Variants in XKR6 observed in about 807,000 individuals in gnomAD.
XKR6 encodes XK-related protein 6.
A neutral mutation model predicts 56.7 loss-of-function variants in XKR6; 22 were observed. That is an observed-to-expected ratio of 0.39 (90% confidence interval 0.28 to 0.55). The LOEUF (loss-of-function observed/expected upper bound fraction) is 0.55, where lower values mean the gene tolerates loss of function less well. Ranked by LOEUF, XKR6 falls within the 20% of genes least tolerant of loss-of-function variation. The pLI is 0.66. For synonymous variants in XKR6, 524 were observed against 387.8 expected, an observed-to-expected ratio of 1.35 and a Z score of -4.13; for missense variants, 852 against 889.0, an observed-to-expected ratio of 0.96 and a Z score of 0.53.
intron 2 of XKR6, among the ~76,000 whole-genome samples, chr8:10,902,422 G>A (rs1800060867): frequency 6.6e-6 from 1 of 152,184 alleles, no homozygotes; most frequent in Non-Finnish European, 1.5e-5. Context: ...GCTTGCTCAA[G>A]ACTGTCCTGA....
At chr8:11,138,947 A>G (rs902061256) in intron 1 of XKR6, among the ~76,000 whole-genome samples, 2 of 152,116 alleles carry the variant, frequency 1.3e-5, no homozygotes, top group Non-Finnish European at 2.9e-5. Flanking sequence ...CCTGACCTCA[A>G]GATGAAATTT....
At chr8:10,961,968 C>T (rs534199188) in intron 1 of XKR6, among the ~76,000 whole-genome samples, 1 of 152,298 alleles carries the variant, frequency 6.6e-6, no homozygotes, top group East Asian at 1.9e-4. Flanking sequence ...TATTATACAC[C>T]ACCTTTCTGA....
chr8:10,932,482 A>G (rs1290001518), intron 1 of XKR6, among the ~76,000 whole-genome samples: 90 of 146,728 alleles, frequency 6.1e-4, no homozygotes, highest in African/African-American at 1.8e-3. Flanking sequence ...CGTGCAGGTT[A>G]GTTACATATG....
intron 1 of XKR6, among the ~76,000 whole-genome samples, chr8:11,152,082 G>C (rs932501990): frequency 9.2e-5 from 14 of 152,032 alleles, no homozygotes; most frequent in African/African-American, 3.4e-4. Context: ...TTACATTAAG[G>C]TACACAGGAT....
intron 1 of XKR6, among the ~76,000 whole-genome samples, chr8:11,139,346 G>A (rs528607875): frequency 6.6e-6 from 1 of 152,108 alleles, no homozygotes; most frequent in African/African-American, 2.4e-5. Context: ...ACGCAGGTAG[G>A]GAGGCAGTGA....
intron 2 of XKR6, among the ~76,000 whole-genome samples, chr8:10,900,207 G>C (rs1369430439): frequency 3.3e-5 from 5 of 152,156 alleles, no homozygotes; most frequent in Admixed American, 3.3e-4. Flanking sequence ...TTGAAATCAA[G>C]GTTACCCAGT....
intron 1 of XKR6, among the ~76,000 whole-genome samples, chr8:11,083,885 G>A (rs907434849): frequency 6.6e-6 from 1 of 151,742 alleles, no homozygotes; most frequent in Non-Finnish European, 1.5e-5. Flanking sequence ...ATGCAGAAAT[G>A]AATAAAGTTC....
intron 2 of XKR6, among the ~76,000 whole-genome samples, chr8:10,911,206 G>A (rs893805390): frequency 2.1e-4 from 29 of 139,980 alleles, no homozygotes; most frequent in African/African-American, 7.5e-4. Flanking sequence ...GTGCGTGTGT[G>A]TGTGTGTGTG....
intron 1 of XKR6, among the ~76,000 whole-genome samples, chr8:11,025,764 T>C (rs1489776396): frequency 6.6e-6 from 1 of 152,118 alleles, no homozygotes; most frequent in Non-Finnish European, 1.5e-5. Context: ...GATGAGTAAT[T>C]AGTGAAGCTC....
chr8:11,156,424 G>C (rs1801522153), intron 1 of XKR6, among the ~76,000 whole-genome samples: 1 of 152,174 alleles, frequency 6.6e-6, no homozygotes, highest in Non-Finnish European at 1.5e-5. Flanking sequence ...TGCCTCTTCA[G>C]CTGGGCTGAA....
chr8:11,081,703 G>C (rs376038106), intron 1 of XKR6, among the ~76,000 whole-genome samples: 4 of 152,254 alleles, frequency 2.6e-5, no homozygotes, highest in South Asian at 2.1e-4. Context: ...ACAACCAAAG[G>C]AGATGTAAAC....
At chr8:11,186,144 A>AT (rs370438351) in intron 1 of XKR6, among the ~76,000 whole-genome samples, 3 of 151,360 alleles carry the variant, frequency 2.0e-5, no homozygotes, top group Admixed American at 6.6e-5. Flanking sequence ...AATCAATAGC[A>AT]TTTTTTTTTA....
At chr8:11,165,770 C>G (rs1802040949) in intron 1 of XKR6, among the ~76,000 whole-genome samples, 1 of 152,026 alleles carries the variant, frequency 6.6e-6, no homozygotes, top group South Asian at 2.1e-4. Context: ...CATCAAAGAG[C>G]CTGAAATTCT....
chr8:10,957,709 G>A (rs1330891892), intron 1 of XKR6, among the ~76,000 whole-genome samples: 1 of 152,154 alleles, frequency 6.6e-6, no homozygotes, highest in Non-Finnish European at 1.5e-5. Flanking sequence ...ATCCAGGAGT[G>A]AGGAATGGGG....
intron 1 of XKR6, chr8:11,138,733 G>A (rs1800527675): frequency 6.6e-6 from 1 of 152,068 alleles, no homozygotes; most frequent in Admixed American, 6.6e-5. Context: ...GATGAAAATG[G>A]GGAGATTATG....
chr8:10,990,526 A>G (rs1436899573), intron 1 of XKR6, among the ~76,000 whole-genome samples: 2 of 152,356 alleles, frequency 1.3e-5, no homozygotes, highest in Non-Finnish European at 2.9e-5. Context: ...GTCCATGGAC[A>G]CAACACACTG....
At chr8:10,963,759 G>C (rs1448213525) in intron 1 of XKR6, among the ~76,000 whole-genome samples, 2 of 151,670 alleles carry the variant, frequency 1.3e-5, no homozygotes, top group Non-Finnish European at 2.9e-5. Context: ...TCTCAGGCTG[G>C]TCTTGAACCC....
intron 1 of XKR6, among the ~76,000 whole-genome samples, chr8:11,027,950 A>G (rs1263206267): frequency 6.6e-6 from 1 of 152,118 alleles, no homozygotes; most frequent in Non-Finnish European, 1.5e-5. Context: ...CGATGAATCT[A>G]CATTGACAGA....
At chr8:11,069,875 G>C (rs967617868) in intron 1 of XKR6, among the ~76,000 whole-genome samples, 2 of 152,198 alleles carry the variant, frequency 1.3e-5, no homozygotes, top group Non-Finnish European at 2.9e-5. Context: ...AAACATCAGA[G>C]AAAAACTATC....
Sources: allele counts gnomAD v4.1 joint callset (sites outside exome capture counted in the v4.1 genomes callset), GRCh38; gene constraint gnomAD v4.1.1; transcripts MANE v1.5; gene names NCBI Gene and HGNC (gene_info 2026-07-23, HGNC 2026-07-21).